CNIH3: variants seen among roughly 807,000 people sequenced by gnomAD.
CNIH3 encodes cornichon family AMPA receptor auxiliary protein 3.
In CNIH3, 14 loss-of-function variants were observed where a neutral mutation model predicts 24.1. The observed-to-expected ratio is 0.58, with a 90% CI of 0.38 to 0.91. The LOEUF is 0.91. Ranked by LOEUF, CNIH3 falls within the 40% of genes least tolerant of loss-of-function variation. The probability of loss-of-function intolerance (pLI) is 0.00; values close to 1 mark genes in which losing one functional copy is unlikely to be tolerated. For synonymous variants in CNIH3, 68 were observed against 73.8 expected, an observed-to-expected ratio of 0.92 and a Z score of 0.40; for missense variants, 178 against 196.8, an observed-to-expected ratio of 0.90 and a Z score of 0.57.
At chr1:224,691,124 T>C (rs995600585) in intron 3 of CNIH3, among the ~76,000 whole-genome samples, 21 of 152,240 alleles carry the variant, frequency 1.4e-4, no homozygotes, top group African/African-American at 5.1e-4. Flanking sequence ...TAATGCTTCC[T>C]TACCCTCCCC....
chr1:224,667,438 A>G (rs1379120740), intron 1 of CNIH3, among the ~76,000 whole-genome samples: 2 of 152,220 alleles, frequency 1.3e-5, no homozygotes, highest in African/African-American at 4.8e-5. Context: ...CATCTACAAC[A>G]TACCAGCAAC....
chr1:224,557,958 A>T (rs1680209550), intron 3 of CNIH3, among the ~76,000 whole-genome samples: 1 of 152,234 alleles, frequency 6.6e-6, no homozygotes. Flanking sequence ...GGCTTAGAAG[A>T]GTTAATTGAC....
chr1:224,729,477 A>G (rs1689207993), intron 3 of CNIH3, among the ~76,000 whole-genome samples: 1 of 150,738 alleles, frequency 6.6e-6, no homozygotes, highest in Non-Finnish European at 1.5e-5. Context: ...ATGTTTCAAA[A>G]GATTTTGATG....
chr1:224,624,258 C>T (rs535218526), intron 1 of CNIH3, among the ~76,000 whole-genome samples: 11 of 152,176 alleles, frequency 7.2e-5, no homozygotes, highest in East Asian at 1.9e-4. Context: ...GACTGCTGTC[C>T]GTGTCTTCTT....
intron 1 of CNIH3, among the ~76,000 whole-genome samples, chr1:224,452,614 T>C (rs1199038886): frequency 2.0e-5 from 3 of 151,150 alleles, no homozygotes; most frequent in Non-Finnish European, 4.4e-5. Context: ...ACCCCGTCTC[T>C]ACTAAAAATA....
chr1:224,559,398 T>C (rs987678903), intron 3 of CNIH3, among the ~76,000 whole-genome samples: 14 of 152,234 alleles, frequency 9.2e-5, no homozygotes, highest in Admixed American at 2.6e-4. Context: ...TAGGTCTTGC[T>C]CCGTCACCCA....
chr1:224,517,971 A>C (rs1285611753), intron 1 of CNIH3, among the ~76,000 whole-genome samples: 1 of 152,168 alleles, frequency 6.6e-6, no homozygotes, highest in Middle Eastern at 3.2e-3. Context: ...TTCATCATAA[A>C]GCTTGATAAA....
intron 3 of CNIH3, among the ~76,000 whole-genome samples, chr1:224,696,150 C>T (rs1687168803): frequency 6.6e-6 from 1 of 152,166 alleles, no homozygotes; most frequent in African/African-American, 2.4e-5. Flanking sequence ...TCTAGAGACC[C>T]AGGCTCCTCC....
chr1:224,705,859 C>CTTTTTTTTTTTTTT (rs869143802), intron 3 of CNIH3, among the ~76,000 whole-genome samples: 1 of 88,864 alleles, frequency 1.1e-5, no homozygotes, highest in African/African-American at 4.3e-5. Context: ...TCTTTTTTTT[C>CTTTTTTTTTTTTTT]TTTTTTTTTT....
At chr1:224,609,280 A>G (rs549548477) in intron 3 of CNIH3, among the ~76,000 whole-genome samples, 1 of 152,348 alleles carries the variant, frequency 6.6e-6, no homozygotes, top group African/African-American at 2.4e-5. Flanking sequence ...AGATAGGTAG[A>G]TGAATGTTCA....
At chr1:224,496,659 G>C (rs1677452178) in intron 1 of CNIH3, among the ~76,000 whole-genome samples, 1 of 152,136 alleles carries the variant, frequency 6.6e-6, no homozygotes, top group South Asian at 2.1e-4. Flanking sequence ...GAACAGGATG[G>C]GTCCCTTCCC....
intron 1 of CNIH3, among the ~76,000 whole-genome samples, chr1:224,506,361 G>T (rs1319093682): frequency 6.6e-6 from 1 of 152,178 alleles, no homozygotes; most frequent in Non-Finnish European, 1.5e-5. Flanking sequence ...GCACAGTGAT[G>T]AAGCTAGCAC....
At chr1:224,569,057 G>A (rs938621017) in intron 4 of CNIH3, among the ~76,000 whole-genome samples, 98 of 152,178 alleles carry the variant, frequency 6.4e-4, no homozygotes, top group African/African-American at 2.3e-3. Context: ...TAGTAGAGAC[G>A]GGGTTTCTCC....
chr1:224,520,719 G>A (rs1678589084), intron 1 of CNIH3, among the ~76,000 whole-genome samples: 1 of 152,132 alleles, frequency 6.6e-6, no homozygotes, highest in African/African-American at 2.4e-5. Context: ...TAATCCAGGT[G>A]GTTTCATCTT....
chr1:224,468,433 A>G (rs1464266520), intron 1 of CNIH3, among the ~76,000 whole-genome samples: 1 of 152,234 alleles, frequency 6.6e-6, no homozygotes, highest in Non-Finnish European at 1.5e-5. Context: ...TTTGCTTTGT[A>G]GCAATTGTAA....
intron 4 of CNIH3, among the ~76,000 whole-genome samples, chr1:224,568,879 CT>C (rs372530960): frequency 5.3e-5 from 8 of 149,542 alleles, no homozygotes; most frequent in Admixed American, 6.7e-5. Flanking sequence ...TGTTCACTTT[CT>C]TTTTTTTTTA....
chr1:224,497,172 C>T (rs1410024066), intron 1 of CNIH3, among the ~76,000 whole-genome samples: 1 of 152,126 alleles, frequency 6.6e-6, no homozygotes, highest in East Asian at 1.9e-4. Context: ...ATAGGCAAAT[C>T]TATAGAGACA....
chr1:224,638,241 G>C (rs556138276), intron 1 of CNIH3, among the ~76,000 whole-genome samples: 3 of 152,328 alleles, frequency 2.0e-5, no homozygotes, highest in East Asian at 1.9e-4. Context: ...GCGCACCCAG[G>C]GGGAGGCCGG....
chr1:224,589,122 G>T (rs1459930261), downstream of CNIH3, among the ~76,000 whole-genome samples: 1 of 152,094 alleles, frequency 6.6e-6, no homozygotes, highest in Non-Finnish European at 1.5e-5. Flanking sequence ...CAATGCGCGA[G>T]TTGAAACTTT....
Sources: gnomAD v4.1 joint callset for allele counts (sites outside exome capture counted in the v4.1 genomes callset) on GRCh38, gnomAD v4.1.1 for gene constraint, MANE v1.5 for transcripts, NCBI Gene and HGNC (gene_info 2026-07-23, HGNC 2026-07-21) for gene names.